HDAC8: variants seen among roughly 807,000 people sequenced by gnomAD.
The protein encoded by HDAC8 is histone deacetylase-like 1.
In HDAC8, 1 loss-of-function variant was observed where a neutral mutation model predicts 32.2. The observed-to-expected ratio is 0.03, with a 90% CI of 0.01 to 0.15. HDAC8 has a LOEUF of 0.15. Ranked by LOEUF, HDAC8 falls within the 10% of genes least tolerant of loss-of-function variation. HDAC8 has a pLI of 1.00. For synonymous variants in HDAC8, 108 were observed against 113.9 expected, an observed-to-expected ratio of 0.95 and a Z score of 0.33; for missense variants, 117 against 300.0, an observed-to-expected ratio of 0.39 and a Z score of 4.51.
intron 4 of HDAC8, among the ~76,000 whole-genome samples, chrX:72,536,185 C>G (rs1556039203): frequency 1.8e-5 from 2 of 112,051 alleles, no homozygotes; most frequent in African/African-American, 6.5e-5. Flanking sequence ...GACTCAATGG[C>G]TTTTACAGAT....
chrX:72,572,278 G>A (rs1480038373), intron 1 of HDAC8, among the ~76,000 whole-genome samples, 169 bp from the exon 2 acceptor site: 1 of 111,797 alleles, frequency 8.9e-6, no homozygotes, highest in Admixed American at 9.4e-5. Flanking sequence ...AGACAATACA[G>A]ATACAAAGTA....
At chrX:72,376,179 G>C (rs1326691670) in intron 9 of HDAC8, among the ~76,000 whole-genome samples, 1 of 111,029 alleles carries the variant, frequency 9.0e-6, no homozygotes, top group Non-Finnish European at 1.9e-5. Context: ...AAAGTTCTGG[G>C]ATCACAGGCG....
At chrX:72,442,525 C>G (rs2047191082) in intron 9 of HDAC8, among the ~76,000 whole-genome samples, 1 of 111,603 alleles carries the variant, frequency 9.0e-6, no homozygotes, top group Non-Finnish European at 1.9e-5. Context: ...TAAAAGAGCT[C>G]CTGAAGGAAG....
intron 9 of HDAC8, among the ~76,000 whole-genome samples, chrX:72,353,037 C>G (rs1477254352): frequency 8.9e-6 from 1 of 112,007 alleles, no homozygotes; most frequent in Non-Finnish European, 1.9e-5. Context: ...TCCATGAAAA[C>G]AAAATGGTAC....
At chrX:72,542,698 T>C (rs373710419) in intron 4 of HDAC8, among the ~76,000 whole-genome samples, 1 of 111,687 alleles carries the variant, frequency 9.0e-6, no homozygotes, top group African/African-American at 3.3e-5. Flanking sequence ...GGCGTGAAGT[T>C]CAAGGAGCTG....
At chrX:72,412,990 T>C (rs1336559573) in intron 9 of HDAC8, among the ~76,000 whole-genome samples, 1 of 111,493 alleles carries the variant, frequency 9.0e-6, no homozygotes, top group African/African-American at 3.3e-5. Context: ...CTATTCTTAG[T>C]ATGGAGGAGA....
chrX:72,425,295 T>A (rs958969676), intron 9 of HDAC8, among the ~76,000 whole-genome samples: 2 of 109,477 alleles, frequency 1.8e-5, no homozygotes, highest in Non-Finnish European at 3.8e-5. Flanking sequence ...TTAAGTTGAC[T>A]TTTTTTTTGA....
At chrX:72,417,336 A>G (rs1392791252) in intron 9 of HDAC8, among the ~76,000 whole-genome samples, 1 of 111,916 alleles carries the variant, frequency 8.9e-6, no homozygotes, top group Non-Finnish European at 1.9e-5. Flanking sequence ...AGAAAATGCC[A>G]CAGTCTCTGC....
intron 9 of HDAC8, among the ~76,000 whole-genome samples, chrX:72,391,624 A>C (rs1170970552): frequency 8.9e-6 from 1 of 111,771 alleles, no homozygotes; most frequent in East Asian, 2.8e-4. Context: ...ACATTAGTAC[A>C]ACTTATATTT....
Position 72,415,488 on chromosome X carries a change from G to A in HDAC8, c.1005+46516C>T, listed in dbSNP as rs2046307435. On this transcript the variant is annotated intron_variant, in intron 9 of 10. Transcript: ENST00000373573. ...AAAAAATCATGTTAGGATTCTGATA[G>A]CAATTGTCTCAGACCTGTATAAATT... Among the ~76,000 whole-genome samples the A allele has an allele frequency of 3.6e-5, 4 of 111,998 alleles. No individual in the cohort carries two copies. The South Asian group carries it at 1.5e-3, about 42-fold the overall frequency.
At chrX:72,394,869 C>T (rs1474895370) in intron 9 of HDAC8, among the ~76,000 whole-genome samples, 1 of 111,744 alleles carries the variant, frequency 8.9e-6, no homozygotes, top group East Asian at 2.8e-4. Flanking sequence ...TCCCCTCCTC[C>T]TCTTGTCCTT....
intron 10 of HDAC8, among the ~76,000 whole-genome samples, chrX:72,349,354 A>C (rs781818390): frequency 8.9e-6 from 1 of 112,461 alleles, no homozygotes; most frequent in East Asian, 2.8e-4. Flanking sequence ...CTGCATTAGC[A>C]TCTCTGGAGG....
At chrX:72,342,181 T>C (rs990441853) in intron 10 of HDAC8, among the ~76,000 whole-genome samples, 1 of 112,779 alleles carries the variant, frequency 8.9e-6, no homozygotes, top group East Asian at 2.8e-4. Context: ...AGAAGAATGT[T>C]GGCAAACCAG....
chrX:72,556,577 A>G (rs2051290101), intron 4 of HDAC8, among the ~76,000 whole-genome samples: 1 of 111,769 alleles, frequency 8.9e-6, no homozygotes, highest in East Asian at 2.8e-4. Context: ...ATGCAAATGG[A>G]CACCAAAAGC....
intron 9 of HDAC8, among the ~76,000 whole-genome samples, chrX:72,444,011 C>A (rs2047277446): frequency 9.2e-6 from 1 of 109,012 alleles, no homozygotes; most frequent in African/African-American, 3.4e-5. Context: ...CTGAATAGAC[C>A]AATAAGAGGC....
Position 72,488,927 on chromosome X carries a change from C to T in HDAC8, c.737+6G>A, listed in dbSNP as rs781951038. 8 of 1,121,423 alleles carry T rather than the reference C, an allele frequency of 7.1e-6. No individual in the cohort carries two copies. The South Asian group carries it at 1.6e-4, about 22-fold the overall frequency. The allele number at this position is 1,121,423 out of a possible 1,213,427, so 92.4% of individuals were successfully genotyped here. A position where few individuals can be genotyped will look rare whatever the true frequency, so the allele number is the denominator to read the frequency against. ...CACTTATTACTGGCTAGTGTTACTG[C>T]CATACCTTTCACAGATCTGGTAATA... On this transcript the variant is annotated splice_donor_region_variant and intron_variant, in intron 7 of 10. Coordinates refer to ENST00000373573, the MANE Select transcript of HDAC8 (RefSeq NM_018486.3).
chrX:72,470,137 GAC>G (rs1555996844), intron 7 of HDAC8, among the ~76,000 whole-genome samples: 1 of 104,577 alleles, frequency 9.6e-6, no homozygotes. Context: ...CACAGAGTGA[GAC>G]ACAGTCTCAA....
intron 9 of HDAC8, among the ~76,000 whole-genome samples, chrX:72,428,195 G>A (rs943478228): frequency 2.7e-5 from 3 of 112,052 alleles, no homozygotes; most frequent in Non-Finnish European, 3.8e-5. Context: ...CCAGGTTCAC[G>A]CGATTCTCCT....
intron 9 of HDAC8, among the ~76,000 whole-genome samples, chrX:72,369,248 C>T (rs2044797299): frequency 9.0e-6 from 1 of 111,020 alleles, no homozygotes; most frequent in African/African-American, 3.3e-5. Context: ...CCTGACCTGG[C>T]CAGGGCTCCC....
Sources: allele counts gnomAD v4.1 joint callset (sites outside exome capture counted in the v4.1 genomes callset), GRCh38; gene constraint gnomAD v4.1.1; transcripts MANE v1.5; gene names NCBI Gene and HGNC (gene_info 2026-07-23, HGNC 2026-07-21).